The following NUP210L variants were observed in gnomAD, a reference collection of about 807,000 sequenced individuals.
The protein encoded by NUP210L is nuclear pore membrane glycoprotein 210-like.
A neutral mutation model predicts 208.5 loss-of-function variants in NUP210L; 74 were observed. That is an observed-to-expected ratio of 0.35 (90% CI 0.29 to 0.43). NUP210L has a LOEUF of 0.43. Among genes scored for constraint, NUP210L ranks in the 20% least tolerant of loss-of-function variants. The probability of loss-of-function intolerance (pLI) is 1.00; values close to 1 mark genes in which losing one functional copy is unlikely to be tolerated. For synonymous variants in NUP210L, 780 were observed against 816.9 expected (o/e 0.95, Z 0.77); for missense variants, 1,843 against 2,289.4 (o/e 0.81, Z 3.98).
At position 154,060,326 on chromosome 1, in the gene NUP210L, C is replaced by T. The variant is rs147042702; in HGVS notation, c.2850+214G>A. 5.8e-3 allele frequency among the ~76,000 whole-genome samples: 880 copies of T among 152,242 alleles called. 32 individuals carry two copies. Among genetic ancestry groups the T allele is most frequent in the Admixed American group, 0.052 (789 of 15,274 alleles). On this transcript the variant is annotated intron_variant, in intron 20 of 39. Transcript: ENST00000368559. Reference sequence around the variant, plus strand: ...CTTATAAAAATGAAACTTCTTTTAACGGAAATCTTCTAACTGAGATCTCTT... The same window carrying T: ...CTTATAAAAATGAAACTTCTTTTAATGGAAATCTTCTAACTGAGATCTCTT...
intron 21 of NUP210L, 44 bp downstream of exon 21, chr1:154,058,521 A>G (rs778506130): frequency 1.5e-5 from 24 of 1,600,056 alleles, no homozygotes; most frequent in Non-Finnish European, 2.0e-5. Context: ...GGGTAGTGAG[A>G]ATAAGTCTTG....
At chr1:154,051,217 A>G (rs1225412585) in intron 25 of NUP210L, among the ~76,000 whole-genome samples, 1 of 150,412 alleles carries the variant, frequency 6.6e-6, no homozygotes, top group Non-Finnish European at 1.5e-5. Context: ...CATTTTCACA[A>G]TTTTTTTTTT....
At chr1:154,070,552 G>T in intron 16 of NUP210L, 87 bp from the exon 17 acceptor site, 2 of 882,486 alleles carry the variant, frequency 2.3e-6, no homozygotes, top group Non-Finnish European at 3.2e-6. Flanking sequence ...TAGGAATCGA[G>T]TTTTCTCTCA....
chr1:154,151,645 T>C (rs1229328167), intron 2 of NUP210L, among the ~76,000 whole-genome samples: 17 of 152,118 alleles, frequency 1.1e-4, no homozygotes, highest in Admixed American at 1.0e-3. Flanking sequence ...TTTTAGGTGG[T>C]TTTTAAAAAT....
At chr1:154,032,993 G>GA (rs769771404) in intron 27 of NUP210L, among the ~76,000 whole-genome samples, 30 of 130,136 alleles carry the variant, frequency 2.3e-4, no homozygotes, top group Middle Eastern at 3.7e-3. Context: ...GAAAAGAAAA[G>GA]AAAGAAAGAA....
intron 12 of NUP210L, among the ~76,000 whole-genome samples, chr1:154,116,605 T>C (rs926758699): frequency 6.6e-6 from 1 of 151,956 alleles, no homozygotes; most frequent in Non-Finnish European, 1.5e-5. Context: ...TGCATATCTG[T>C]AGTCCTGGCT....
chr1:154,140,211 C>T (rs1047596722), intron 4 of NUP210L, among the ~76,000 whole-genome samples: 6 of 151,554 alleles, frequency 4.0e-5, no homozygotes, highest in Non-Finnish European at 7.4e-5. Flanking sequence ...ATTAGCCGGG[C>T]GTGGTGGCAT....
intron 16 of NUP210L, among the ~76,000 whole-genome samples, chr1:154,086,565 C>A (rs1478344287): frequency 1.6e-4 from 24 of 151,958 alleles, no homozygotes. Context: ...AATCCCAGCA[C>A]TTTGGGAGGC....
At chr1:154,058,838 G>A in intron 20 of NUP210L, 145 bp from the exon 21 acceptor site, 1 of 715,800 alleles carries the variant, frequency 1.4e-6, no homozygotes, top group Non-Finnish European at 2.2e-6. Context: ...CATTATTCAG[G>A]CATAGCATAA....
At chr1:154,104,806 C>T (rs957774933) in intron 12 of NUP210L, among the ~76,000 whole-genome samples, 2 of 152,022 alleles carry the variant, frequency 1.3e-5, no homozygotes, top group Non-Finnish European at 2.9e-5. Context: ...ACAAAGACTG[C>T]AATTCTTGGG....
intron 16 of NUP210L, among the ~76,000 whole-genome samples, chr1:154,082,875 C>T (rs1405244284): frequency 6.6e-6 from 1 of 152,044 alleles, no homozygotes; most frequent in Non-Finnish European, 1.5e-5. Flanking sequence ...GGTTCATCAT[C>T]TCGCTGGCTT....
exon 30 of NUP210L, chr1:154,025,688 C>A (rs757543141): frequency 1.2e-6 from 2 of 1,613,176 alleles, no homozygotes; most frequent in Non-Finnish European, 1.7e-6. Context: ...CACTTGAGAA[C>A]ACGAGAACTC....
chr1:154,117,914 G>T, intron 11 of NUP210L, 34 bp from the exon 12 acceptor site: 1 of 1,503,578 alleles, frequency 6.7e-7, no homozygotes, highest in South Asian at 1.2e-5. Context: ...AATTACAATC[G>T]GAAGAAAATA....
At chr1:154,094,276 C>G (rs1182630299) in intron 15 of NUP210L, among the ~76,000 whole-genome samples, 1 of 151,806 alleles carries the variant, frequency 6.6e-6, no homozygotes, top group Non-Finnish European at 1.5e-5. Flanking sequence ...GAGCAAGACT[C>G]CATCTCAAAA....
At chr1:154,084,938 G>A (rs865828683) in intron 16 of NUP210L, among the ~76,000 whole-genome samples, 12 of 146,196 alleles carry the variant, frequency 8.2e-5, no homozygotes, top group African/African-American at 3.0e-4. Context: ...AATAACCAAT[G>A]AGTTACCAGC....
At chr1:154,025,014 G>A (rs1200421440) in intron 30 of NUP210L, among the ~76,000 whole-genome samples, 3 of 133,902 alleles carry the variant, frequency 2.2e-5, no homozygotes, top group Non-Finnish European at 3.1e-5. Context: ...TGCAGGCTCC[G>A]CCCCCCGGGG....
intron 32 of NUP210L, among the ~76,000 whole-genome samples, chr1:154,020,341 C>T (rs575445455): frequency 2.2e-4 from 34 of 152,290 alleles, no homozygotes; most frequent in Non-Finnish European, 4.0e-4. Context: ...ACACTCATTT[C>T]CTAACCAAAG....
At chr1:154,009,624 T>TAAAAAAAAA (rs35760411) in intron 35 of NUP210L, among the ~76,000 whole-genome samples, 2 of 55,452 alleles carry the variant, frequency 3.6e-5, no homozygotes, top group Non-Finnish European at 3.4e-5. Flanking sequence ...ACGTTGCTCT[T>TAAAAAAAAA]AAAAAAAAAA....
At chr1:154,081,470 G>A (rs1158181464) in intron 16 of NUP210L, among the ~76,000 whole-genome samples, 1 of 152,104 alleles carries the variant, frequency 6.6e-6, no homozygotes, top group Non-Finnish European at 1.5e-5. Flanking sequence ...GGCCCCCTTG[G>A]ATAACATTTG....
Sources: gnomAD v4.1 joint callset for allele counts (sites outside exome capture counted in the v4.1 genomes callset) on GRCh38, gnomAD v4.1.1 for gene constraint, MANE v1.5 for transcripts, NCBI Gene and HGNC (gene_info 2026-07-23, HGNC 2026-07-21) for gene names.